FIGN: variants seen among roughly 807,000 people sequenced by gnomAD.
The protein encoded by FIGN is fidgetin.
In FIGN, 11 loss-of-function variants were observed where a neutral mutation model predicts 51.3. That is an observed-to-expected ratio of 0.21 (90% CI 0.13 to 0.35). The LOEUF is 0.35. FIGN is among the 10% of genes least tolerant of loss of function. The probability of loss-of-function intolerance (pLI) is 1.00; values close to 1 mark genes in which losing one functional copy is unlikely to be tolerated. For missense variants in FIGN, 857 were observed against 943.6 expected (o/e 0.91, Z 1.20); for synonymous variants, 407 against 363.2 (o/e 1.12, Z -1.37).
chr2:163,674,175 G>A (rs1683921870), intron 2 of FIGN, among the ~76,000 whole-genome samples: 1 of 152,142 alleles, frequency 6.6e-6, no homozygotes, highest in African/African-American at 2.4e-5. Flanking sequence ...GATGAATTTA[G>A]TTTTACTAAC....
chr2:163,608,054 A>G lies in FIGN; in HGVS notation c.*1498T>C, dbSNP rs553399364. The G allele has an allele frequency of 4.6e-5, 7 of 152,792 alleles. No homozygotes were observed. Among genetic ancestry groups the G allele is most frequent in the African/African-American group, 1.7e-4 (7 of 41,578 alleles). The allele number at this position is 152,792 out of a possible 1,614,324, so 9.5% of individuals were successfully genotyped here. A position where few individuals can be genotyped will look rare whatever the true frequency, so the allele number is the denominator to read the frequency against. On this transcript the variant is annotated 3_prime_UTR_variant, in exon 3 of 3. Transcript: ENST00000333129. Reference sequence around the variant, plus strand: ...GATTTACGGTGAAAGATGGAAGAAAACAAAGTAACATGTTTGGCAAGCTAC... The same window carrying G: ...GATTTACGGTGAAAGATGGAAGAAAGCAAAGTAACATGTTTGGCAAGCTAC...
chr2:163,699,696 C>T (rs946888916), intron 2 of FIGN, among the ~76,000 whole-genome samples: 2 of 152,088 alleles, frequency 1.3e-5, no homozygotes, highest in African/African-American at 2.4e-5. Flanking sequence ...AAGTTTTATA[C>T]TAGCTTAAGA....
intron 2 of FIGN, among the ~76,000 whole-genome samples, chr2:163,644,119 C>T (rs976782790): frequency 3.3e-5 from 5 of 151,684 alleles, no homozygotes; most frequent in African/African-American, 1.2e-4. Flanking sequence ...AAATTAAAAA[C>T]GTTTTGCTTC....
intron 2 of FIGN, among the ~76,000 whole-genome samples, chr2:163,698,311 T>C (rs899317839): frequency 1.3e-5 from 2 of 152,096 alleles, no homozygotes; most frequent in African/African-American, 4.8e-5. Context: ...TGCGAGAGGA[T>C]AGCAAACTAG....
At chr2:163,633,582 G>A (rs1250493226) in intron 2 of FIGN, among the ~76,000 whole-genome samples, 1 of 152,130 alleles carries the variant, frequency 6.6e-6, no homozygotes, top group East Asian at 1.9e-4. Flanking sequence ...CCAACTCACA[G>A]AAGCCTTGTC....
At position 163,610,014 on chromosome 2, in the gene FIGN, T is replaced by A. The variant is rs1161722739; in HGVS notation, c.1818A>T (p.Arg606Ser). 6.2e-7 allele frequency: 1 copy of A among 1,614,078 alleles called. No individual in the cohort carries two copies. Among genetic ancestry groups the A allele is most frequent in the Non-Finnish European group, 8.5e-7 (1 of 1,179,998 alleles). ...TGTCCAGTTGCATCAGAAATTCGGT[T>A]CTCATCCGACTGACTGGACTATGTT... ...NEEHSPVSRMRTEFLMQLDTV... is the reference protein window; with the variant it reads ...NEEHSPVSRMSTEFLMQLDTV... Residue 606 changes from arginine to serine, a missense_variant, in exon 3 of 3, where the codon AGA (arginine) becomes AGT (serine). Physicochemically the swap from Arg to Ser is moderately radical, Grantham distance 110. Transcript: ENST00000333129.
Position 163,610,304 on chromosome 2 carries a change from C to G in FIGN, c.1528G>C (p.Asp510His). Residue 510 changes from aspartate (D) to histidine (H), a missense_variant, in exon 3 of 3, where the codon GAC (aspartate) becomes CAC (histidine). Physicochemically the swap from Asp to His is moderately conservative, Grantham distance 81. Coordinates refer to ENST00000333129, the MANE Select transcript of FIGN (RefSeq NM_018086.4). The stretch of plus-strand genomic sequence containing the variant: ...AAGGCCGTCAGTCCACTGAACGCGT[C>G]TGACCTCAACACTGGCCATAAAACC... ...EEVLWPVLRS[D>H]AFSGLTALPR... 6.2e-7 allele frequency: 1 copy of G among 1,614,196 alleles called. No homozygotes were observed. The highest frequency in any genetic ancestry group is 2.2e-5 in the East Asian group (1 of 44,872).
intron 2 of FIGN, among the ~76,000 whole-genome samples, chr2:163,686,697 T>C (rs1684154543): frequency 6.6e-6 from 1 of 152,004 alleles, no homozygotes; most frequent in Non-Finnish European, 1.5e-5. Flanking sequence ...TTACTAGGCC[T>C]GGCTCCCAGT....
intron 2 of FIGN, among the ~76,000 whole-genome samples, chr2:163,613,251 T>C (rs1261036176): frequency 6.6e-6 from 1 of 152,044 alleles, no homozygotes; most frequent in Non-Finnish European, 1.5e-5. Context: ...GGTACAGCTA[T>C]ATTAAGCATC....
chr2:163,693,976 T>C (rs892322497), intron 2 of FIGN, among the ~76,000 whole-genome samples: 9 of 152,332 alleles, frequency 5.9e-5, no homozygotes, highest in Admixed American at 3.9e-4. Context: ...CAGCCTTTCT[T>C]TTGAGAGCTG....
rs200855688 is a variant in FIGN at position 163,706,819 on chromosome 2, C to A, written c.25+28084G>T. Among the ~76,000 whole-genome samples the A allele has an allele frequency of 4.6e-5, 7 of 152,114 alleles. No homozygotes were observed. The East Asian group carries it at 1.3e-3, about 29-fold the overall frequency. On this transcript the variant is annotated intron_variant, in intron 2 of 2. Coordinates refer to ENST00000333129, the MANE Select transcript of FIGN (RefSeq NM_018086.4). ...ATTCTGACAAAATTTTATTTTCAAA[C>A]ACAAGGTTTTATTAAGTTTTTCTTT...
At position 163,716,963 on chromosome 2, in the gene FIGN, T is replaced by C. The variant is rs1684676917; in HGVS notation, c.25+17940A>G. Among the ~76,000 whole-genome samples the C allele has an allele frequency of 2.6e-5, 4 of 152,178 alleles. No homozygotes were observed. The South Asian group carries it at 6.2e-4, about 24-fold the overall frequency. ...AAGTTATCCAGTACATTGCTTTACA[T>C]ATTTACTACCCAGCACTTGAATATA... On this transcript the variant is annotated intron_variant, in intron 2 of 2. Coordinates refer to ENST00000333129, the MANE Select transcript of FIGN (RefSeq NM_018086.4).
At position 163,610,424 on chromosome 2, in the gene FIGN, C is replaced by T. The variant is rs1691215557; in HGVS notation, c.1408G>A (p.Asp470Asn). The T allele has an allele frequency of 4.3e-6, 7 of 1,614,074 alleles. No homozygotes were observed. Among genetic ancestry groups the T allele is most frequent in the South Asian group, 2.2e-5 (2 of 91,070 alleles). The change falls in exon 3 of 3, where the codon GAC (aspartate) becomes AAC (asparagine). Residue 470 changes from aspartate to asparagine, a missense_variant. Transcript: ENST00000333129. ...GTGATAATCTCATTGGTTACCAGGT[C>T]GATGAGGTGCGTGTCAGTATTCTTC... ...QLKNTDTHLI[D>N]LVTNEIITQG...
At chr2:163,630,048 C>A (rs910753839) in intron 2 of FIGN, among the ~76,000 whole-genome samples, 6 of 140,154 alleles carry the variant, frequency 4.3e-5, no homozygotes, top group African/African-American at 1.6e-4. Context: ...GCAACCTCAA[C>A]CTCCTGGTCT....
At position 163,603,105 on chromosome 2, in the gene FIGN, C is replaced by A. The variant is rs374498971; in HGVS notation, c.*6447G>T. ...TCACAAATTATATGAATTCATTTTG[C>A]AAGTGATGGATAATTTAAGCTTTCA... On this transcript the variant is annotated 3_prime_UTR_variant, in exon 3 of 3. Transcript: ENST00000333129. 6.6e-6 allele frequency: 1 copy of A among 151,948 alleles called. No homozygotes were observed. Among genetic ancestry groups the A allele is most frequent in the East Asian group, 1.9e-4 (1 of 5,188 alleles). The allele number at this position is 151,948 out of a possible 1,614,324, so 9.4% of individuals were successfully genotyped here.
chr2:163,719,340 A>G (rs113705349), intron 2 of FIGN, among the ~76,000 whole-genome samples: 7 of 152,250 alleles, frequency 4.6e-5, no homozygotes, highest in Non-Finnish European at 7.4e-5. Context: ...ACACAAGGAG[A>G]AGGCAGAGAG....
intron 2 of FIGN, among the ~76,000 whole-genome samples, chr2:163,663,814 G>GGAA (rs1402633817): frequency 2.8e-3 from 397 of 140,344 alleles, no homozygotes; most frequent in South Asian, 0.017. Flanking sequence ...CCCGGGAGGC[G>GGAA]GAGGTTGCAG....
intron 2 of FIGN, chr2:163,612,587 GAAA>G (rs139810766): frequency 2.3e-6 from 2 of 858,300 alleles, no homozygotes; most frequent in African/African-American, 3.8e-5. Flanking sequence ...TTGAGTCTCT[GAAA>G]AAAAAAACAA....
chr2:163,701,043 A>G (rs527490482), intron 2 of FIGN, among the ~76,000 whole-genome samples: 2 of 152,308 alleles, frequency 1.3e-5, no homozygotes, highest in East Asian at 3.9e-4. Flanking sequence ...ATATCTCTAT[A>G]TAAAGATACA....
Sources: allele counts gnomAD v4.1 joint callset (sites outside exome capture counted in the v4.1 genomes callset), GRCh38; gene constraint gnomAD v4.1.1; transcripts MANE v1.5; gene names NCBI Gene and HGNC (gene_info 2026-07-23, HGNC 2026-07-21).